Variants in DACH2 observed in about 807,000 individuals in gnomAD.
DACH2 encodes dachshund family transcription factor 2.
A neutral mutation model predicts 35.8 loss-of-function variants in DACH2; 17 were observed. The ratio of observed to expected loss-of-function variants is 0.48; its 90% CI spans 0.33 to 0.71. The LOEUF (loss-of-function observed/expected upper bound fraction) is 0.71. Among genes scored for constraint, DACH2 ranks in the 30% least tolerant of loss-of-function variants. DACH2 has a pLI of 0.02. For missense variants in DACH2, 469 were observed against 472.7 expected, an observed-to-expected ratio of 0.99 and a Z score of 0.07; for synonymous variants, 195 against 177.3, an observed-to-expected ratio of 1.10 and a Z score of -0.79.
At chrX:86,534,492 T>TA (rs1569431430) in intron 3 of DACH2, among the ~76,000 whole-genome samples, 1 of 112,081 alleles carries the variant, frequency 8.9e-6, no homozygotes, top group Non-Finnish European at 1.9e-5. Flanking sequence ...ATCACTTAAA[T>TA]AAAAATAAAA....
chrX:86,661,450 T>C (rs1001991771), intron 4 of DACH2, among the ~76,000 whole-genome samples: 2 of 112,693 alleles, frequency 1.8e-5, no homozygotes, highest in Admixed American at 1.9e-4. Flanking sequence ...TGACCTCTTG[T>C]GTCTGACTTA....
intron 1 of DACH2, among the ~76,000 whole-genome samples, chrX:86,311,551 G>T (rs950975529): frequency 9.0e-6 from 1 of 111,106 alleles, no homozygotes; most frequent in Admixed American, 9.5e-5. Context: ...GGATTCATGG[G>T]TCCAGGAATC....
At chrX:86,723,666 G>T (rs2041433138) in intron 6 of DACH2, among the ~76,000 whole-genome samples, 1 of 111,720 alleles carries the variant, frequency 9.0e-6, no homozygotes, top group Non-Finnish European at 1.9e-5. Flanking sequence ...TGCTGGATAT[G>T]AATTTGAATT....
At chrX:86,774,094 A>T (rs898879325) in intron 7 of DACH2, among the ~76,000 whole-genome samples, 6 of 110,767 alleles carry the variant, frequency 5.4e-5, no homozygotes, top group Non-Finnish European at 7.5e-5. Context: ...TCAAAAATTT[A>T]AAAAAAACTA....
At chrX:86,217,899 A>T (rs1437579737) in intron 1 of DACH2, among the ~76,000 whole-genome samples, 1 of 111,731 alleles carries the variant, frequency 9.0e-6, no homozygotes. Context: ...TGTAATGAAA[A>T]CTTTGAGGTT....
At chrX:86,233,473 A>C (rs2032992995) in intron 1 of DACH2, among the ~76,000 whole-genome samples, 1 of 112,386 alleles carries the variant, frequency 8.9e-6, no homozygotes, top group South Asian at 3.7e-4. Context: ...CCAAGAATGC[A>C]ACTCTTTTGG....
chrX:86,288,561 A>G (rs941506279), intron 1 of DACH2, among the ~76,000 whole-genome samples: 8 of 111,973 alleles, frequency 7.1e-5, no homozygotes, highest in African/African-American at 2.3e-4. Context: ...GTAATTGTGT[A>G]TTCTATTGTA....
At chrX:86,472,418 G>T (rs2037774164) in intron 2 of DACH2, among the ~76,000 whole-genome samples, 1 of 111,714 alleles carries the variant, frequency 9.0e-6, no homozygotes, top group Admixed American at 9.5e-5. Flanking sequence ...GAATCCTGTT[G>T]ACACCTTGAA....
At chrX:86,827,785 A>G (rs1268484965) in intron 11 of DACH2, 1 of 1,165,110 alleles carries the variant, frequency 8.6e-7, no homozygotes, top group Admixed American at 2.6e-5. Flanking sequence ...TGATGCCGGA[A>G]CTCCAACTGA....
At chrX:86,813,556 A>G (rs1030763530) in intron 9 of DACH2, among the ~76,000 whole-genome samples, 14 of 107,706 alleles carry the variant, frequency 1.3e-4, no homozygotes, top group Non-Finnish European at 2.5e-4. Context: ...AGGTTGCAGT[A>G]AGCCGAAATT....
intron 1 of DACH2, chrX:86,262,904 TAGAA>T (rs937567144): frequency 7.7e-6 from 4 of 518,830 alleles, no homozygotes; most frequent in Non-Finnish European, 7.0e-6. Flanking sequence ...TGTTCAGAAA[TAGAA>T]AGAAACAAAC....
At chrX:86,796,391 C>T (rs905021248) in intron 7 of DACH2, among the ~76,000 whole-genome samples, 1 of 111,658 alleles carries the variant, frequency 9.0e-6, no homozygotes, top group African/African-American at 3.3e-5. Flanking sequence ...TTCTCCAAGT[C>T]CCCACTCAAC....
At chrX:86,766,143 G>T (rs985605203) in intron 7 of DACH2, among the ~76,000 whole-genome samples, 4 of 110,993 alleles carry the variant, frequency 3.6e-5, no homozygotes, top group Admixed American at 9.7e-5. Flanking sequence ...CAGAACTGTT[G>T]TAAGTACTTT....
chrX:86,369,552 A>T (rs1422286421), intron 1 of DACH2, among the ~76,000 whole-genome samples: 3 of 111,115 alleles, frequency 2.7e-5, no homozygotes, highest in Non-Finnish European at 3.8e-5. Context: ...GATTATCAGA[A>T]TGATCAATTG....
At chrX:86,471,074 A>G (rs985588383) in intron 2 of DACH2, among the ~76,000 whole-genome samples, 2 of 111,873 alleles carry the variant, frequency 1.8e-5, no homozygotes, top group African/African-American at 6.5e-5. Flanking sequence ...TTAAACAGTT[A>G]ACAATTAAAC....
intron 7 of DACH2, among the ~76,000 whole-genome samples, chrX:86,750,764 A>T: frequency 8.9e-6 from 1 of 111,997 alleles, no homozygotes; most frequent in East Asian, 2.8e-4. Flanking sequence ...CACATATGGC[A>T]AGACTTCTGT....
chrX:86,562,800 T>A (rs1173674702), intron 3 of DACH2, among the ~76,000 whole-genome samples: 1 of 111,670 alleles, frequency 9.0e-6, no homozygotes, highest in African/African-American at 3.2e-5. Flanking sequence ...TTATTATTTC[T>A]AATGACTACA....
chrX:86,598,059 C>T (rs780075333), intron 3 of DACH2, among the ~76,000 whole-genome samples: 1 of 111,016 alleles, frequency 9.0e-6, no homozygotes, highest in South Asian at 3.8e-4. Flanking sequence ...CATCATATCT[C>T]GTGAGATTTA....
chrX:86,549,317 T>C (rs1267287982), intron 3 of DACH2, among the ~76,000 whole-genome samples: 1 of 111,318 alleles, frequency 9.0e-6, no homozygotes, highest in Non-Finnish European at 1.9e-5. Flanking sequence ...ATAATAATGA[T>C]AATATTTTCC....
Sources: allele counts gnomAD v4.1 joint callset (sites outside exome capture counted in the v4.1 genomes callset), GRCh38; gene constraint gnomAD v4.1.1; transcripts MANE v1.5; gene names NCBI Gene and HGNC (gene_info 2026-07-23, HGNC 2026-07-21).